Variants in SIPA1L3 observed in about 807,000 individuals in gnomAD.
SIPA1L3 encodes the protein signal induced proliferation associated 1 like 3, also known as signal-induced proliferation-associated 1-like protein 3.
In SIPA1L3, 59 loss-of-function variants were observed where a neutral mutation model predicts 150.1. That is an observed-to-expected ratio of 0.39 (90% CI 0.32 to 0.49). The LOEUF (loss-of-function observed/expected upper bound fraction) is 0.49, where lower values mean the gene tolerates loss of function less well. SIPA1L3 is among the 20% of genes least tolerant of loss of function. SIPA1L3 has a pLI of 0.86. For synonymous variants in SIPA1L3, 1,070 were observed against 1,077.6 expected (o/e 0.99, Z 0.14); for missense variants, 2,211 against 2,489.5 (o/e 0.89, Z 2.38).
At chr19:38,148,466 C>G (rs751537342) in intron 12 of SIPA1L3, among the ~76,000 whole-genome samples, 1 of 152,020 alleles carries the variant, frequency 6.6e-6, no homozygotes, top group Non-Finnish European at 1.5e-5. Context: ...ACTCAAGTCA[C>G]GAGACAGAGG....
intron 1 of SIPA1L3, among the ~76,000 whole-genome samples, chr19:38,016,018 C>T (rs1568503352): frequency 6.6e-6 from 1 of 152,218 alleles, no homozygotes; most frequent in African/African-American, 2.4e-5. Flanking sequence ...CTAGGAGTGA[C>T]AGGCACACAC....
chr19:38,018,037 G>T (rs1018186657), intron 1 of SIPA1L3, among the ~76,000 whole-genome samples: 1 of 151,096 alleles, frequency 6.6e-6, no homozygotes, highest in Non-Finnish European at 1.5e-5. Context: ...GGCTCCCTGC[G>T]TGTTTCTTTG....
chr19:37,932,340 A>C (rs770643677), intron 1 of SIPA1L3: 7 of 152,234 alleles, frequency 4.6e-5, no homozygotes, highest in Non-Finnish European at 8.8e-5. Flanking sequence ...GTGTCTGATG[A>C]GTAAGGAGGC....
chr19:37,988,688 AT>A (rs1351467084), intron 1 of SIPA1L3, among the ~76,000 whole-genome samples: 2 of 152,190 alleles, frequency 1.3e-5, no homozygotes, highest in African/African-American at 2.4e-5. Context: ...AAATAAATAA[AT>A]AAGTAATACA....
At chr19:38,077,963 G>T (rs549954598) in intron 2 of SIPA1L3, among the ~76,000 whole-genome samples, 1 of 152,014 alleles carries the variant, frequency 6.6e-6, no homozygotes, top group Non-Finnish European at 1.5e-5. Flanking sequence ...GAGCCACTGC[G>T]CCTGGCCAAT....
chr19:38,107,766 C>T (rs1301616848), intron 7 of SIPA1L3, among the ~76,000 whole-genome samples: 1 of 152,126 alleles, frequency 6.6e-6, no homozygotes, highest in Non-Finnish European at 1.5e-5. Context: ...CACCTGAGGT[C>T]GGGAGTTTGA....
chr19:38,113,053 C>G lies in SIPA1L3; in HGVS notation c.2291+2669C>G, dbSNP rs574195482. Among the ~76,000 whole-genome samples, 5 of 152,012 alleles carry G rather than the reference C, an allele frequency of 3.3e-5. No individual in the cohort carries two copies. The East Asian group carries it at 7.8e-4, about 24-fold the overall frequency. Reference sequence around the variant, plus strand: ...TGAAACCCCATCTCTACTAAAAATACAAAAGTTAGCCAGGTGTGGTGGCAG... The same window carrying G: ...TGAAACCCCATCTCTACTAAAAATAGAAAAGTTAGCCAGGTGTGGTGGCAG... On this transcript the variant is annotated intron_variant, in intron 8 of 21. Transcript: ENST00000222345.
chr19:38,119,975 A>G lies in SIPA1L3; in HGVS notation c.2868+93A>G, dbSNP rs528120606. Reference sequence around the variant, plus strand: ...CTTCCCTAGCCCAGTCAGTTAGGCTAAGACACGCACTGGCCCGGAGAGAAT... The same window carrying G: ...CTTCCCTAGCCCAGTCAGTTAGGCTGAGACACGCACTGGCCCGGAGAGAAT... On this transcript the variant is annotated intron_variant, in intron 9 of 21. Transcript: ENST00000222345. 2.3e-4 allele frequency: 195 copies of G among 847,302 alleles called. 1 individual carries two copies. In the South Asian group the frequency reaches 3.1e-3, roughly 14 times the overall value. 52.5% of individuals were successfully genotyped at this position (847,302 alleles called of 1,614,324 possible).
At chr19:38,174,338 C>T (rs1314168926) in intron 15 of SIPA1L3, among the ~76,000 whole-genome samples, 1 of 152,158 alleles carries the variant, frequency 6.6e-6, no homozygotes, top group African/African-American at 2.4e-5. Context: ...GGTTCTCCAG[C>T]CCATGACACA....
intron 13 of SIPA1L3, among the ~76,000 whole-genome samples, chr19:38,157,696 G>A (rs748839057): frequency 1.3e-5 from 2 of 152,198 alleles, no homozygotes; most frequent in African/African-American, 4.8e-5. Flanking sequence ...CAGAGAACTA[G>A]GGGACAGGAT....
intron 2 of SIPA1L3, among the ~76,000 whole-genome samples, chr19:38,051,601 TTTTG>T (rs924698717): frequency 1.1e-4 from 16 of 152,144 alleles, no homozygotes; most frequent in African/African-American, 3.9e-4. Context: ...GGTTTGGTTT[TTTTG>T]TTTGTTTGTT....
chr19:37,970,671 A>G, intron 1 of SIPA1L3, among the ~76,000 whole-genome samples: 1 of 152,210 alleles, frequency 6.6e-6, no homozygotes, highest in East Asian at 1.9e-4. Context: ...TGTGGAGGGC[A>G]TGGAGGCTGT....
At chr19:38,061,735 A>T (rs1208797943) in intron 2 of SIPA1L3, among the ~76,000 whole-genome samples, 1 of 151,542 alleles carries the variant, frequency 6.6e-6, no homozygotes, top group African/African-American at 2.4e-5. Flanking sequence ...ATGAAGAGAG[A>T]TGGGAACAGG....
intron 1 of SIPA1L3, among the ~76,000 whole-genome samples, chr19:37,912,523 G>C (rs545398096): frequency 6.6e-6 from 1 of 151,976 alleles, no homozygotes; most frequent in Non-Finnish European, 1.5e-5. Flanking sequence ...TTAGAGACAG[G>C]GTCACTCTGT....
chr19:37,995,701 T>G (rs1260184157), intron 1 of SIPA1L3, among the ~76,000 whole-genome samples: 1 of 151,928 alleles, frequency 6.6e-6, no homozygotes, highest in South Asian at 2.1e-4. Context: ...GTTGGGACAG[T>G]GTATGCTGGG....
chr19:38,082,629 C>T lies in SIPA1L3; in HGVS notation c.1064C>T (p.Ala355Val), dbSNP rs780772024. 4 of 1,605,326 alleles carry T rather than the reference C, an allele frequency of 2.5e-6. No homozygotes were observed. The South Asian group carries it at 4.4e-5, about 18-fold the overall frequency. ...VQSMLFDLNE[A>V]AANRVSVSQR... ...AGCATGCTGTTCGACCTCAACGAGGCGGCCGCCAACAGGGTGTCGGTGTCG... is the reference window on the plus strand; with the variant it reads ...AGCATGCTGTTCGACCTCAACGAGGTGGCCGCCAACAGGGTGTCGGTGTCG... The change falls in exon 3 of 22, where the codon GCG (alanine) becomes GTG (valine). Residue 355 changes from alanine to valine, a missense_variant. Physicochemically the swap from Ala to Val is moderately conservative, Grantham distance 64 (BLOSUM62 0). This residue lies in a region of SIPA1L3 where 587 missense variants were observed against 534.5 expected (regional missense o/e 1.10). Transcript: ENST00000222345.
chr19:38,034,353 A>C lies in SIPA1L3; in HGVS notation c.-311+5197A>C, dbSNP rs144982414. Among the ~76,000 whole-genome samples, 734 of 152,254 alleles carry C rather than the reference A, an allele frequency of 4.8e-3. 5 individuals are homozygous for C. Among genetic ancestry groups the C allele is most frequent in the Non-Finnish European group, 5.2e-3 (354 of 68,022 alleles). On this transcript the variant is annotated intron_variant, in intron 2 of 21. Transcript: ENST00000222345. ...ATGATCTCATTCAGTTCTTGTAACT[A>C]CCCTAAGACGTCACTGCTGTGATAT...
intron 2 of SIPA1L3, among the ~76,000 whole-genome samples, chr19:38,039,387 G>C (rs932637254): frequency 1.0e-4 from 14 of 135,938 alleles, no homozygotes; most frequent in African/African-American, 3.5e-4. Context: ...GTTTGCCAGC[G>C]GGGGGTGGGG....
chr19:38,125,255 C>A (rs959094133), intron 9 of SIPA1L3, among the ~76,000 whole-genome samples: 1 of 152,148 alleles, frequency 6.6e-6, no homozygotes, highest in East Asian at 1.9e-4. Context: ...AGGCTAGTCT[C>A]GAACTCCTGG....
Sources: gnomAD v4.1 joint callset for allele counts (sites outside exome capture counted in the v4.1 genomes callset) on GRCh38, gnomAD v4.1.1 for gene constraint, gnomAD v4.1.1 regional missense constraint, MANE v1.5 for transcripts, NCBI Gene and HGNC (gene_info 2026-07-23, HGNC 2026-07-21) for gene names.